The following PDE11A variants were observed in gnomAD, a reference collection of about 807,000 sequenced individuals.
PDE11A encodes the protein phosphodiesterase 11A, also known as dual 3',5'-cyclic-AMP and -GMP phosphodiesterase 11A.
In PDE11A, 100 loss-of-function variants were observed where a neutral mutation model predicts 100.5. That is an observed-to-expected ratio of 1.00 (90% confidence interval 0.85 to 1.18). PDE11A has a LOEUF of 1.18. Ranked by LOEUF, PDE11A falls within the 50% of genes most tolerant of loss-of-function variation. PDE11A has a pLI of 0.00. For missense variants in PDE11A, 1,141 were observed against 1,152.6 expected (o/e 0.99, Z 0.15); for synonymous variants, 381 against 420.8 (o/e 0.91, Z 1.16).
rs973039319 is a variant in PDE11A at position 177,937,848 on chromosome 2, A to G, written c.1072-32661T>C. On this transcript the variant is annotated intron_variant, in intron 2 of 19. Transcript: ENST00000286063. Reference sequence around the variant, plus strand: ...CAGGAAAGTTTCTCTTTTTCCAAGAAATAGAGAAAAAGGCTATAGATTTAT... The same window carrying G: ...CAGGAAAGTTTCTCTTTTTCCAAGAGATAGAGAAAAAGGCTATAGATTTAT... 6.6e-5 allele frequency among the ~76,000 whole-genome samples: 10 copies of G among 152,298 alleles called. No homozygotes were observed. The East Asian group carries it at 1.7e-3, about 26-fold the overall frequency.
chr2:177,839,680 C>T (rs1365642601), intron 6 of PDE11A, among the ~76,000 whole-genome samples: 3 of 152,118 alleles, frequency 2.0e-5, no homozygotes, highest in African/African-American at 7.2e-5. Context: ...GCTGGACAAT[C>T]TTCAATAGGA....
chr2:177,969,640 C>T (rs547946609), intron 2 of PDE11A, among the ~76,000 whole-genome samples: 13 of 151,884 alleles, frequency 8.6e-5, no homozygotes, highest in Non-Finnish European at 1.9e-4. Flanking sequence ...GTAAGTAAGC[C>T]TCTCCCTATA....
chr2:178,020,044 C>A (rs1405258934), intron 1 of PDE11A, among the ~76,000 whole-genome samples: 1 of 152,112 alleles, frequency 6.6e-6, no homozygotes, highest in Admixed American at 6.5e-5. Context: ...TTTAAATGCT[C>A]CTCTGTTATC....
chr2:177,662,114 C>A (rs1455209258), intron 19 of PDE11A, among the ~76,000 whole-genome samples: 4 of 152,134 alleles, frequency 2.6e-5, no homozygotes, highest in Admixed American at 1.3e-4. Context: ...CACTTAAATT[C>A]AAGTAACTTC....
chr2:178,082,752 G>A (rs577069620), intron 2 of PDE11A, among the ~76,000 whole-genome samples: 1 of 152,220 alleles, frequency 6.6e-6, no homozygotes, highest in Non-Finnish European at 1.5e-5. Context: ...CAAATGTAAA[G>A]CAGAGGACAC....
chr2:178,021,118 C>T (rs746935077), intron 1 of PDE11A, among the ~76,000 whole-genome samples: 1 of 152,014 alleles, frequency 6.6e-6, no homozygotes, highest in Admixed American at 6.6e-5. Context: ...TGTGCCACCA[C>T]ACCAAGCTAA....
intron 6 of PDE11A, among the ~76,000 whole-genome samples, chr2:177,839,094 A>G (rs936003260): frequency 2.6e-5 from 4 of 152,212 alleles, no homozygotes; most frequent in Admixed American, 2.6e-4. Context: ...GTTTGGGAAT[A>G]TAAGGTTTTC....
chr2:178,001,473 T>C (rs1416309866), intron 2 of PDE11A, among the ~76,000 whole-genome samples: 2 of 152,156 alleles, frequency 1.3e-5, no homozygotes, highest in African/African-American at 4.8e-5. Flanking sequence ...AGAAATGGAT[T>C]TCACTGGTGA....
rs1309181859 is a variant in PDE11A at position 177,935,988 on chromosome 2, T to C, written c.1072-30801A>G. Reference sequence around the variant, plus strand: ...TCCTCAACACACGTTGTCTCTTCTTTATATAATTTTGCTTTATTTTCTCCT... The same window carrying C: ...TCCTCAACACACGTTGTCTCTTCTTCATATAATTTTGCTTTATTTTCTCCT... On this transcript the variant is annotated intron_variant, in intron 2 of 19. Coordinates refer to ENST00000286063, the MANE Select transcript of PDE11A (RefSeq NM_016953.4). Among the ~76,000 whole-genome samples the C allele has an allele frequency of 7.9e-5, 12 of 152,192 alleles. No homozygotes were observed. The South Asian group carries it at 1.2e-3, about 16-fold the overall frequency.
chr2:178,045,646 C>T (rs1173153571), intron 1 of PDE11A, among the ~76,000 whole-genome samples: 1 of 152,236 alleles, frequency 6.6e-6, no homozygotes, highest in Non-Finnish European at 1.5e-5. Flanking sequence ...TGTTAACTAT[C>T]ACTACTGTCA....
chr2:177,655,941 G>A (rs1245611084), intron 19 of PDE11A, among the ~76,000 whole-genome samples: 2 of 152,008 alleles, frequency 1.3e-5, no homozygotes, highest in Admixed American at 1.3e-4. Flanking sequence ...ATAACTAGAG[G>A]ACTACATTTT....
At chr2:177,726,395 A>G (rs1160818417) in intron 12 of PDE11A, among the ~76,000 whole-genome samples, 1 of 152,158 alleles carries the variant, frequency 6.6e-6, no homozygotes, top group Admixed American at 6.6e-5. Flanking sequence ...GTGACCCTCA[A>G]TAAATGGTGG....
chr2:177,824,085 T>C (rs1283632236), intron 6 of PDE11A, among the ~76,000 whole-genome samples: 1 of 152,076 alleles, frequency 6.6e-6, no homozygotes, highest in African/African-American at 2.4e-5. Flanking sequence ...AGTACTACAG[T>C]TCCCCAAAAG....
intron 10 of PDE11A, among the ~76,000 whole-genome samples, chr2:177,744,408 G>C (rs2164857): frequency 6.6e-6 from 1 of 151,282 alleles, no homozygotes. Flanking sequence ...GACTTCTTTC[G>C]GATTCCTTTT....
At chr2:177,698,725 G>T (rs1406295804) in intron 14 of PDE11A, among the ~76,000 whole-genome samples, 2 of 152,268 alleles carry the variant, frequency 1.3e-5, no homozygotes, top group South Asian at 4.1e-4. Context: ...CCTGGGACCA[G>T]GTCCAATATT....
At chr2:177,808,851 G>T (rs1391811974) in intron 9 of PDE11A, among the ~76,000 whole-genome samples, 12 of 152,062 alleles carry the variant, frequency 7.9e-5, no homozygotes, top group Admixed American at 7.9e-4. Flanking sequence ...ATCAGACCAT[G>T]GAAGCAACCC....
intron 2 of PDE11A, among the ~76,000 whole-genome samples, chr2:177,966,687 C>A (rs917857698): frequency 9.9e-5 from 15 of 152,168 alleles, no homozygotes; most frequent in Admixed American, 1.3e-4. Flanking sequence ...CCCAACTTTG[C>A]ATCCCAGAAA....
intron 3 of PDE11A, among the ~76,000 whole-genome samples, 185 bp from the exon 4 acceptor site, chr2:177,898,383 G>A (rs1414414355): frequency 6.6e-6 from 1 of 152,152 alleles, no homozygotes; most frequent in African/African-American, 2.4e-5. Flanking sequence ...TGCTTAAACT[G>A]CAAAATACAA....
intron 2 of PDE11A, among the ~76,000 whole-genome samples, chr2:177,990,269 T>C (rs1158935925): frequency 2.0e-5 from 3 of 152,220 alleles, no homozygotes; most frequent in South Asian, 2.1e-4. Flanking sequence ...TTCACTTGTA[T>C]ATGGAATTTT....
Sources: gnomAD v4.1 joint callset for allele counts (sites outside exome capture counted in the v4.1 genomes callset) on GRCh38, gnomAD v4.1.1 for gene constraint, MANE v1.5 for transcripts, NCBI Gene and HGNC (gene_info 2026-07-23, HGNC 2026-07-21) for gene names.